Variants in ARSB observed in about 807,000 individuals in gnomAD.
ARSB encodes the protein arylsulfatase B.
Under a neutral mutation model 50.9 loss-of-function variants are expected in ARSB, and 41 were observed. The observed-to-expected ratio is 0.81, with a 90% CI of 0.63 to 1.04. The LOEUF is 1.04. ARSB is among the 50% of genes least tolerant of loss of function. The pLI is 0.00. For missense variants in ARSB, 672 were observed against 693.3 expected (o/e 0.97, Z 0.35); for synonymous variants, 269 against 284.8 (o/e 0.94, Z 0.56).
chr5:78,985,356 C>T, upstream of ARSB: 1 of 1,106,400 alleles, frequency 9.0e-7, no homozygotes, highest in Non-Finnish European at 1.1e-6. Context: ...CGCGGGACGG[C>T]ACCCCCAGCG....
In ARSB at chr5:78,831,494, A is replaced by C. The variant is rs150762961; in HGVS notation, c.1213+7862T>G. Among the ~76,000 whole-genome samples, 113 of 152,224 alleles carry C rather than the reference A, an allele frequency of 7.4e-4. 1 individual carries two copies. Among genetic ancestry groups the C allele is most frequent in the African/African-American group, 2.6e-3 (110 of 41,552 alleles). On this transcript the variant is annotated intron_variant, in intron 6 of 7. Coordinates refer to ENST00000264914, the MANE Select transcript of ARSB (RefSeq NM_000046.5). ...CGACCCATTTTTCCAGCCTCCTTTAAATGAGTCATGTCCCATCAACATGCT... is the reference window on the plus strand; with the variant it reads ...CGACCCATTTTTCCAGCCTCCTTTACATGAGTCATGTCCCATCAACATGCT...
At chr5:78,953,205 C>T (rs1283625165) in intron 4 of ARSB, among the ~76,000 whole-genome samples, 3 of 152,250 alleles carry the variant, frequency 2.0e-5, no homozygotes, top group African/African-American at 4.8e-5. Flanking sequence ...AGATGCTATT[C>T]TGGCCCTGCC....
intron 4 of ARSB, among the ~76,000 whole-genome samples, chr5:78,936,409 C>A (rs1312438977): frequency 6.6e-6 from 1 of 151,208 alleles, no homozygotes; most frequent in African/African-American, 2.4e-5. Flanking sequence ...CAGGTGCGAG[C>A]CACTGTGCCT....
intron 4 of ARSB, among the ~76,000 whole-genome samples, chr5:78,903,522 A>G (rs943584147): frequency 6.6e-6 from 1 of 152,252 alleles, no homozygotes; most frequent in African/African-American, 2.4e-5. Context: ...TTTATAAAAC[A>G]GTAGACCTCC....
intron 4 of ARSB, among the ~76,000 whole-genome samples, chr5:78,941,463 T>C (rs1330567194): frequency 2.2e-3 from 337 of 151,644 alleles, no homozygotes; most frequent in African/African-American, 7.8e-3. Context: ...CCCATCAATA[T>C]CTAATTTATT....
chr5:78,807,740 C>T (rs1743620484), intron 6 of ARSB, among the ~76,000 whole-genome samples: 1 of 152,148 alleles, frequency 6.6e-6, no homozygotes. Context: ...GACAATAAAG[C>T]AAATCCAAGA....
intron 2 of ARSB, among the ~76,000 whole-genome samples, chr5:78,965,607 G>T (rs1436962672): frequency 1.3e-5 from 2 of 152,044 alleles, no homozygotes; most frequent in African/African-American, 4.8e-5. Flanking sequence ...CACTTTAATT[G>T]GGTGAATTGT....
chr5:78,932,120 T>A (rs1438698076), intron 4 of ARSB, among the ~76,000 whole-genome samples: 1 of 152,212 alleles, frequency 6.6e-6, no homozygotes, highest in Non-Finnish European at 1.5e-5. Context: ...GATGGCTGCA[T>A]ATGTATCAAA....
intron 6 of ARSB, among the ~76,000 whole-genome samples, chr5:78,786,327 C>T (rs902259708): frequency 1.3e-5 from 2 of 152,224 alleles, no homozygotes; most frequent in Non-Finnish European, 2.9e-5. Context: ...CGTATCAGTA[C>T]TTCATTCTTT....
rs1448257257 is a variant in ARSB, at chr5:78,778,417, T to A, written c.*1980A>T. 6.6e-6 allele frequency: 1 copy of A among 152,216 alleles called. No homozygotes were observed. The highest frequency in any genetic ancestry group is 1.5e-5 in the Non-Finnish European group (1 of 68,054). The allele number at this position is 152,216 out of a possible 1,614,324, so 9.4% of individuals were successfully genotyped here. On this transcript the variant is annotated 3_prime_UTR_variant, in exon 8 of 8. Coordinates refer to ENST00000264914, the MANE Select transcript of ARSB (RefSeq NM_000046.5). ...AAGGATGACTATACAAGGACTTATA[T>A]CAGATTATTTGTTGCTTTTAGTTTC...
At chr5:78,952,301 T>C (rs1041275589) in intron 4 of ARSB, among the ~76,000 whole-genome samples, 2 of 151,266 alleles carry the variant, frequency 1.3e-5, no homozygotes, top group African/African-American at 4.9e-5. Flanking sequence ...ATGAAAAAAA[T>C]TGTATTCCAC....
At chr5:78,902,405 AC>A (rs1226526433) in intron 4 of ARSB, among the ~76,000 whole-genome samples, 2 of 152,196 alleles carry the variant, frequency 1.3e-5, no homozygotes, top group Non-Finnish European at 2.9e-5. Context: ...CTAGGTATAT[AC>A]CCAAGAGAAG....
At position 78,823,327 on chromosome 5, in the gene ARSB, G is replaced by A. The variant is rs533344191; in HGVS notation, c.1213+16029C>T. On this transcript the variant is annotated intron_variant, in intron 6 of 7. Coordinates refer to ENST00000264914, the MANE Select transcript of ARSB (RefSeq NM_000046.5). ...ACTTTGGCCTGGTGTGTAATACCAG[G>A]CCACAGAAATCTCTCAGCCATTTAA... Among the ~76,000 whole-genome samples the A allele has an allele frequency of 9.1e-4, 139 of 152,266 alleles. 2 individuals carry two copies. In the South Asian group the frequency reaches 0.028, roughly 31 times the overall value.
At chr5:78,842,240 A>T (rs1173051802) in intron 5 of ARSB, among the ~76,000 whole-genome samples, 1 of 152,142 alleles carries the variant, frequency 6.6e-6, no homozygotes, top group Non-Finnish European at 1.5e-5. Context: ...ATCTGGGGGC[A>T]TGGGACAGAA....
chr5:78,920,868 A>G (rs1310633884), intron 4 of ARSB, among the ~76,000 whole-genome samples: 2 of 151,200 alleles, frequency 1.3e-5, no homozygotes, highest in Admixed American at 1.3e-4. Flanking sequence ...ACTTTTTCCC[A>G]CCCTCCTTTC....
At chr5:78,791,570 C>T (rs1749236228) in intron 6 of ARSB, among the ~76,000 whole-genome samples, 1 of 152,254 alleles carries the variant, frequency 6.6e-6, no homozygotes, top group African/African-American at 2.4e-5. Flanking sequence ...ATCTGAGCGA[C>T]TGCGCTGGTG....
At chr5:78,956,788 G>A (rs1436456861) in intron 3 of ARSB, among the ~76,000 whole-genome samples, 1 of 152,124 alleles carries the variant, frequency 6.6e-6, no homozygotes, top group Non-Finnish European at 1.5e-5. Context: ...TGTGTGACTT[G>A]TCCAACTCCA....
intron 4 of ARSB, among the ~76,000 whole-genome samples, chr5:78,901,596 A>T (rs1263750439): frequency 1.5e-5 from 1 of 65,248 alleles, no homozygotes. Flanking sequence ...TATCTACGTT[A>T]AAAAAAACAA....
At chr5:78,781,575 A>G (rs1273237605) in intron 7 of ARSB, among the ~76,000 whole-genome samples, 1 of 152,162 alleles carries the variant, frequency 6.6e-6, no homozygotes, top group Non-Finnish European at 1.5e-5. Flanking sequence ...TCTAGGACAT[A>G]TATCAGGAGG....
Sources: gnomAD v4.1 joint callset for allele counts (sites outside exome capture counted in the v4.1 genomes callset) on GRCh38, gnomAD v4.1.1 for gene constraint, MANE v1.5 for transcripts, NCBI Gene and HGNC (gene_info 2026-07-23, HGNC 2026-07-21) for gene names.